Variants in MCFD2 observed in about 807,000 individuals in gnomAD.
MCFD2 encodes multiple coagulation factor deficiency 2, ER cargo receptor complex subunit, also known as multiple coagulation factor deficiency protein 2.
MCFD2 carries 11 observed loss-of-function variants against 12.8 expected under a neutral mutation model. The ratio of observed to expected loss-of-function variants is 0.86; its 90% CI spans 0.54 to 1.42. The LOEUF (loss-of-function observed/expected upper bound fraction) is 1.42, where lower values mean the gene tolerates loss of function less well. Ranked by LOEUF, MCFD2 falls within the 40% of genes most tolerant of loss-of-function variation. MCFD2 has a pLI of 0.00. For synonymous variants in MCFD2, 70 were observed against 68.1 expected (o/e 1.03, Z -0.14); for missense variants, 191 against 178.6 (o/e 1.07, Z -0.40).
chr2:46,931,950 A>T (rs1420538444), intron 1 of MCFD2, among the ~76,000 whole-genome samples: 1 of 152,220 alleles, frequency 6.6e-6, no homozygotes, highest in East Asian at 1.9e-4. Flanking sequence ...GGACGGTTTA[A>T]CCTTTGAAAA....
chr2:46,915,904 C>A (rs1182406566), upstream of MCFD2: 3 of 984,480 alleles, frequency 3.0e-6, no homozygotes, highest in Admixed American at 6.2e-5. Context: ...CGGCGGCGGG[C>A]TGTGAGGACG....
chr2:46,918,395 GC>G (rs778826837), upstream of MCFD2, among the ~76,000 whole-genome samples: 7 of 152,164 alleles, frequency 4.6e-5, no homozygotes, highest in Non-Finnish European at 1.0e-4. Context: ...AGATGATGCT[GC>G]TGGACTACTT....
rs371983269 is a variant in MCFD2 at position 46,905,192 on chromosome 2, T to C, written c.*271A>G. The C allele has an allele frequency of 1.4e-5, 6 of 442,522 alleles. No homozygotes were observed. The highest frequency in any genetic ancestry group is 1.3e-3 in the Middle Eastern group (2 of 1,500). The allele number at this position is 442,522 out of a possible 1,614,324, so 27.4% of individuals were successfully genotyped here. ...TTCTTCCCAGTCTCGGGTACGTCTT[T>C]ATCAGCAGCATTAATACAGACTAAT... On this transcript the variant is annotated 3_prime_UTR_variant, in exon 4 of 4. Coordinates refer to ENST00000319466, the MANE Select transcript of MCFD2 (RefSeq NM_139279.6).
rs950915081 is a variant in MCFD2, at chr2:46,941,754, G to C, written c.-190C>G. 13 of 1,546,796 alleles carry C rather than the reference G, an allele frequency of 8.4e-6. No homozygotes were observed. Among genetic ancestry groups the C allele is most frequent in the Admixed American group, 2.0e-5 (1 of 50,890 alleles). ...AGTAAGGGAAGAGGCTGGCTCGCCG[G>C]CAGCGAGCGCGCGAAACGCACCGCC... On this transcript the variant is annotated 5_prime_UTR_variant, in exon 1 of 3. Coordinates refer to the MCFD2 transcript ENST00000409147. The surrounding 1 kb of genome is among the most constrained non-coding windows in gnomAD (Gnocchi z 4.2).
intron 3 of MCFD2, among the ~76,000 whole-genome samples, chr2:46,906,151 T>C (rs564303233): frequency 7.9e-5 from 12 of 152,196 alleles, no homozygotes; most frequent in Non-Finnish European, 1.8e-4. Context: ...TGGCTGGTTC[T>C]TCCTTTGCCA....
At chr2:46,906,033 A>G in intron 3 of MCFD2, 1 of 470,856 alleles carries the variant, frequency 2.1e-6, no homozygotes. Flanking sequence ...GCATCAAAAC[A>G]AGAGGAAGAA....
intron 1 of MCFD2, among the ~76,000 whole-genome samples, chr2:46,925,769 C>G (rs72886669): frequency 0.079 from 11,956 of 152,094 alleles, 832 homozygotes; most frequent in African/African-American, 0.19. Context: ...CCATGTTAAC[C>G]CCCGTTGAAA....
chr2:46,939,104 C>T (rs957073455), intron 1 of MCFD2, among the ~76,000 whole-genome samples: 1 of 151,742 alleles, frequency 6.6e-6, no homozygotes, highest in Non-Finnish European at 1.5e-5. Flanking sequence ...AGCAAGATCC[C>T]GTCTCTACAA....
At chr2:46,927,884 GTTTT>G (rs566447236) in intron 1 of MCFD2, among the ~76,000 whole-genome samples, 345 of 73,252 alleles carry the variant, frequency 4.7e-3, no homozygotes, top group Non-Finnish European at 7.3e-3. Context: ...TTTTTTTGGT[GTTTT>G]TTTTTTTTTT....
At position 46,905,598 on chromosome 2, in the gene MCFD2, C is replaced by T. The variant is rs1386059430; in HGVS notation, c.310-4G>A. On this transcript the variant is annotated splice_polypyrimidine_tract_variant and splice_region_variant and intron_variant, in intron 3 of 3. Coordinates refer to ENST00000319466, the MANE Select transcript of MCFD2 (RefSeq NM_139279.6). ...GTGGTGCCTGTTCACTCCCTTCCTACAAAATACAAATTAGACAATGATGAG... is the reference window on the plus strand; with the variant it reads ...GTGGTGCCTGTTCACTCCCTTCCTATAAAATACAAATTAGACAATGATGAG... 6.4e-7 allele frequency: 1 copy of T among 1,562,926 alleles called. No individual in the cohort carries two copies. The highest frequency in any genetic ancestry group is 1.7e-5 in the Admixed American group (1 of 58,008).
chr2:46,905,155 G>T lies in MCFD2; in HGVS notation c.*308C>A, dbSNP rs1418705268. On this transcript the variant is annotated 3_prime_UTR_variant, in exon 4 of 4. Transcript: ENST00000319466. The stretch of plus-strand genomic sequence containing the variant: ...CAGCCATGTGGAACTGTAAGTCCAA[G>T]TAAACCTCTTTTTCTTCCCAGTCTC... 5 of 378,894 alleles carry T rather than the reference G, an allele frequency of 1.3e-5. No individual in the cohort carries two copies. The highest frequency in any genetic ancestry group is 4.6e-5 in the South Asian group (2 of 43,110). The allele number at this position is 378,894 out of a possible 1,614,324, so 23.5% of individuals were successfully genotyped here. A position where few individuals can be genotyped will look rare whatever the true frequency, so the allele number is the denominator to read the frequency against.
upstream of MCFD2, chr2:46,915,825 C>G (rs1281793547): frequency 3.8e-5 from 15 of 396,126 alleles, 1 homozygote; most frequent in East Asian, 1.1e-3. Flanking sequence ...CCCCCCCCCC[C>G]CCGACCTGCC....
At chr2:46,909,293 G>T (rs1271424058) in intron 1 of MCFD2, 116 bp from the exon 2 acceptor site, 28 of 1,274,722 alleles carry the variant, frequency 2.2e-5, no homozygotes, top group Non-Finnish European at 2.2e-6. Flanking sequence ...TAGGAAGAGA[G>T]CTTGTCAAAC....
intron 1 of MCFD2, among the ~76,000 whole-genome samples, chr2:46,927,407 A>C (rs1052314766): frequency 7.0e-6 from 1 of 142,498 alleles, no homozygotes; most frequent in African/African-American, 2.7e-5. Context: ...CCCAGGCTGG[A>C]GTGCAGTGGC....
chr2:46,917,820 C>A (rs531562294), upstream of MCFD2, among the ~76,000 whole-genome samples: 1 of 152,226 alleles, frequency 6.6e-6, no homozygotes, highest in African/African-American at 2.4e-5. Flanking sequence ...GCCAACCACT[C>A]TCACTTAGAA....
intron 1 of MCFD2, among the ~76,000 whole-genome samples, chr2:46,915,000 G>C (rs1184642807): frequency 2.0e-5 from 3 of 152,244 alleles, no homozygotes; most frequent in Admixed American, 6.5e-5. Context: ...ATAAGGGAAT[G>C]GGGGGACGCT....
chr2:46,912,802 T>A (rs1668538316), intron 1 of MCFD2: 1 of 152,254 alleles, frequency 6.6e-6, no homozygotes, highest in Non-Finnish European at 1.5e-5. Context: ...TCAGGCACAG[T>A]GCCTGGAACA....
intron 1 of MCFD2, among the ~76,000 whole-genome samples, chr2:46,910,325 G>A (rs375127167): frequency 6.6e-6 from 1 of 152,142 alleles, no homozygotes; most frequent in South Asian, 2.1e-4. Context: ...CAAAAAGGAA[G>A]GTGAAGGACA....
chr2:46,931,275 A>AG (rs1669686432), intron 1 of MCFD2, among the ~76,000 whole-genome samples: 1 of 152,220 alleles, frequency 6.6e-6, no homozygotes. Flanking sequence ...AAATATAGAC[A>AG]GGGTCTGGCT....
Sources: allele counts gnomAD v4.1 joint callset (sites outside exome capture counted in the v4.1 genomes callset), GRCh38; gene constraint gnomAD v4.1.1; non-coding constraint Gnocchi (gnomAD v3.1); transcripts MANE v1.5; gene names NCBI Gene and HGNC (gene_info 2026-07-23, HGNC 2026-07-21).